Variants in NIPAL2 observed in about 807,000 individuals in gnomAD.
The protein encoded by NIPAL2 is NIPA-like protein 2.
Under a neutral mutation model 48.9 loss-of-function variants are expected in NIPAL2, and 43 were observed. The observed-to-expected ratio is 0.88, with a 90% CI of 0.69 to 1.13. The LOEUF is 1.13. Among genes scored for constraint, NIPAL2 ranks in the 50% most tolerant of loss-of-function variants. The probability of loss-of-function intolerance (pLI) is 0.00; values close to 1 mark genes in which losing one functional copy is unlikely to be tolerated. For missense variants in NIPAL2, 446 were observed against 461.4 expected, an observed-to-expected ratio of 0.97 and a Z score of 0.31; for synonymous variants, 167 against 174.6, an observed-to-expected ratio of 0.96 and a Z score of 0.34.
At chr8:98,242,941 T>A (rs1015847096) in intron 3 of NIPAL2, among the ~76,000 whole-genome samples, 19 of 152,162 alleles carry the variant, frequency 1.2e-4, no homozygotes, top group African/African-American at 4.6e-4. Context: ...AAAACAATTT[T>A]AAAAATTACG....
intron 1 of NIPAL2, among the ~76,000 whole-genome samples, chr8:98,267,762 A>G (rs184054279): frequency 6.6e-6 from 1 of 152,328 alleles, no homozygotes; most frequent in African/African-American, 2.4e-5. Context: ...GGGTTATTAT[A>G]AAATTTACTC....
chr8:98,279,283 C>T (rs1325483929), intron 1 of NIPAL2, among the ~76,000 whole-genome samples: 1 of 152,168 alleles, frequency 6.6e-6, no homozygotes, highest in Non-Finnish European at 1.5e-5. Flanking sequence ...TTACTAAATA[C>T]TGCTTCCAAT....
At chr8:98,284,983 T>G (rs2130910540) in intron 1 of NIPAL2, among the ~76,000 whole-genome samples, 1 of 152,272 alleles carries the variant, frequency 6.6e-6, no homozygotes, top group South Asian at 2.1e-4. Flanking sequence ...TTTCTAGAAT[T>G]CCTTGGGGGT....
At chr8:98,218,596 A>G (rs372537195) in intron 5 of NIPAL2, among the ~76,000 whole-genome samples, 17 of 152,334 alleles carry the variant, frequency 1.1e-4, no homozygotes, top group African/African-American at 3.8e-4. Flanking sequence ...ACCATAACAT[A>G]TGAGGATCAG....
intron 6 of NIPAL2, among the ~76,000 whole-genome samples, chr8:98,206,304 A>ATGTG (rs750016661): frequency 7.4e-4 from 112 of 150,876 alleles, no homozygotes; most frequent in African/African-American, 2.0e-3. Flanking sequence ...TATTTTATGT[A>ATGTG]TGTGTGTGTG....
chr8:98,228,013 T>A (rs1468462732), intron 4 of NIPAL2, among the ~76,000 whole-genome samples: 2 of 152,356 alleles, frequency 1.3e-5, no homozygotes, highest in South Asian at 4.1e-4. Flanking sequence ...TACGCAGTGT[T>A]GGCAGCATTG....
At chr8:98,193,381 T>C in intron 10 of NIPAL2, 2 of 1,614,004 alleles carry the variant, frequency 1.2e-6, no homozygotes, top group Non-Finnish European at 1.7e-6. Context: ...AAGCATTCAC[T>C]CACCTCCAAG....
intron 4 of NIPAL2, among the ~76,000 whole-genome samples, chr8:98,227,300 T>A (rs1812224970): frequency 6.6e-6 from 1 of 152,066 alleles, no homozygotes; most frequent in Non-Finnish European, 1.5e-5. Flanking sequence ...TATTCATTCA[T>A]CTCCTTTTCT....
chr8:98,243,856 A>G (rs988513309), intron 3 of NIPAL2, among the ~76,000 whole-genome samples: 1 of 152,226 alleles, frequency 6.6e-6, no homozygotes, highest in Admixed American at 6.5e-5. Context: ...ACATTAAGAC[A>G]TATGTGTGCT....
At chr8:98,199,670 T>C (rs1470527177) in intron 8 of NIPAL2, among the ~76,000 whole-genome samples, 5 of 152,158 alleles carry the variant, frequency 3.3e-5, no homozygotes, top group Admixed American at 6.5e-5. Flanking sequence ...GATATAATAA[T>C]AACAAACTTG....
intron 8 of NIPAL2, among the ~76,000 whole-genome samples, chr8:98,199,104 G>A (rs1437519789): frequency 6.6e-6 from 1 of 151,762 alleles, no homozygotes; most frequent in East Asian, 1.9e-4. Context: ...TTACAGTCAT[G>A]TGCCACCATG....
At chr8:98,210,938 A>C (rs1811279893) in intron 6 of NIPAL2, among the ~76,000 whole-genome samples, 1 of 152,222 alleles carries the variant, frequency 6.6e-6, no homozygotes, top group Non-Finnish European at 1.5e-5. Flanking sequence ...CGCAACCTGC[A>C]AGGGCCAATC....
chr8:98,267,295 G>A (rs1814830786), intron 1 of NIPAL2, among the ~76,000 whole-genome samples: 1 of 151,038 alleles, frequency 6.6e-6, no homozygotes, highest in Non-Finnish European at 1.5e-5. Context: ...ACTTACAGAT[G>A]TAGGTACAAC....
At position 98,212,508 on chromosome 8, in the gene NIPAL2, AT is replaced by A; in HGVS notation, c.559-8del. ...AAATTAATATTTCTAAAATCTAGAA[AT>A]GAAAAAGATGGAAAAGAGTAAGTTA... On this transcript the variant is annotated splice_region_variant and splice_polypyrimidine_tract_variant and intron_variant, in intron 5 of 10. Coordinates refer to ENST00000430223, the MANE Select transcript of NIPAL2 (RefSeq NM_001321635.2). The A allele has an allele frequency of 7.9e-7, 1 of 1,271,048 alleles. No individual in the cohort carries two copies. Among genetic ancestry groups the A allele is most frequent in the Non-Finnish European group, 1.1e-6 (1 of 873,236 alleles). 78.7% of individuals were successfully genotyped at this position (1,271,048 alleles called of 1,614,324 possible).
At chr8:98,216,937 A>T in intron 5 of NIPAL2, 1 of 634,264 alleles carries the variant, frequency 1.6e-6, no homozygotes, top group Non-Finnish European at 2.0e-6. Context: ...TAGGATTAAC[A>T]AAATCAAATC....
intron 1 of NIPAL2, among the ~76,000 whole-genome samples, chr8:98,276,329 G>C (rs1210836930): frequency 1.3e-5 from 2 of 152,078 alleles, no homozygotes; most frequent in African/African-American, 2.4e-5. Context: ...ATATTATATA[G>C]TTGGAATCAT....
At position 98,194,754 on chromosome 8, in the gene NIPAL2, G is replaced by A; in HGVS notation, c.1013C>T (p.Ser338Phe). ...AGGAATATTTCCAAAATCAATATAA[G>A]ACTGTTGCAGATGTTCCTTTTCTCG... Reference protein sequence around the residue: ...RNREKEHLQQSYIDFGNIPGK... With the variant: ...RNREKEHLQQFYIDFGNIPGK... The change falls in exon 10 of 11, where the codon TCT (serine) becomes TTT (phenylalanine). Residue 338 changes from serine (S) to phenylalanine (F), a missense_variant. Coordinates refer to ENST00000430223, the MANE Select transcript of NIPAL2 (RefSeq NM_001321635.2). 1 of 1,568,740 alleles carries A rather than the reference G, an allele frequency of 6.4e-7. No homozygotes were observed. The highest frequency in any genetic ancestry group is 8.6e-7 in the Non-Finnish European group (1 of 1,162,054).
intron 3 of NIPAL2, among the ~76,000 whole-genome samples, chr8:98,248,022 T>A (rs1447016977): frequency 6.6e-6 from 1 of 152,232 alleles, no homozygotes; most frequent in Non-Finnish European, 1.5e-5. Context: ...TGGAAAACCG[T>A]ATATACATCT....
chr8:98,227,285 A>G (rs1812224096), intron 4 of NIPAL2, among the ~76,000 whole-genome samples: 2 of 152,132 alleles, frequency 1.3e-5, no homozygotes, highest in South Asian at 4.1e-4. Context: ...AGACAAAATC[A>G]TTTTTATTCA....
Sources: allele counts gnomAD v4.1 joint callset (sites outside exome capture counted in the v4.1 genomes callset), GRCh38; gene constraint gnomAD v4.1.1; transcripts MANE v1.5; gene names NCBI Gene and HGNC (gene_info 2026-07-23, HGNC 2026-07-21).